SLC12A6: variants seen among roughly 807,000 people sequenced by gnomAD.
SLC12A6 encodes the protein solute carrier family 12 member 6.
A neutral mutation model predicts 135.3 loss-of-function variants in SLC12A6; 66 were observed. The observed-to-expected ratio is 0.49, with a 90% CI of 0.40 to 0.60. The LOEUF (loss-of-function observed/expected upper bound fraction) is 0.60. SLC12A6 is among the 20% of genes least tolerant of loss of function. The probability of loss-of-function intolerance (pLI) is 0.00; values close to 1 mark genes in which losing one functional copy is unlikely to be tolerated. For synonymous variants in SLC12A6, 513 were observed against 508.8 expected (o/e 1.01, Z -0.11); for missense variants, 1,058 against 1,452.3 (o/e 0.73, Z 4.41).
chr15:34,280,215 T>C (rs905197920), intron 2 of SLC12A6, among the ~76,000 whole-genome samples: 1 of 152,242 alleles, frequency 6.6e-6, no homozygotes, highest in Non-Finnish European at 1.5e-5. Flanking sequence ...GCTGGTATCT[T>C]GTAGCTAAAA....
chr15:34,324,838 A>T (rs1889359841), intron 2 of SLC12A6, among the ~76,000 whole-genome samples: 3 of 152,168 alleles, frequency 2.0e-5, no homozygotes, highest in Non-Finnish European at 2.9e-5. Flanking sequence ...TTTGCAAATT[A>T]TCTCTGGTAA....
At chr15:34,319,826 A>G (rs958245441) in intron 2 of SLC12A6, among the ~76,000 whole-genome samples, 1 of 151,910 alleles carries the variant, frequency 6.6e-6, no homozygotes, top group Non-Finnish European at 1.5e-5. Context: ...AAAGAAAAAA[A>G]TATATATGTT....
At chr15:34,300,657 G>C (rs1181261717) in intron 2 of SLC12A6, among the ~76,000 whole-genome samples, 4 of 152,050 alleles carry the variant, frequency 2.6e-5, no homozygotes, top group Non-Finnish European at 4.4e-5. Flanking sequence ...GCCAGTCATG[G>C]TGGTGTGTGC....
rs142405048 is a variant in SLC12A6, at chr15:34,329,817, G to A, written c.271+6593C>T. Among the ~76,000 whole-genome samples, 342 of 152,204 alleles carry A rather than the reference G, an allele frequency of 2.2e-3. 1 individual carries two copies. Among genetic ancestry groups the A allele is most frequent in the African/African-American group, 8.2e-3 (340 of 41,526 alleles). ...GATCACTTGAGCTCAGGAGTTCCCA[G>A]ACATCTTCAAAGATAAAAGCTAAGA... On this transcript the variant is annotated intron_variant, in intron 2 of 25. Coordinates refer to ENST00000354181, the MANE Select transcript of SLC12A6 (RefSeq NM_001365088.1).
intron 13 of SLC12A6, among the ~76,000 whole-genome samples, chr15:34,249,978 CACT>C (rs1322502911): frequency 6.6e-6 from 1 of 152,206 alleles, no homozygotes; most frequent in Admixed American, 6.5e-5. Flanking sequence ...AATCATGGCT[CACT>C]ACAGCTTTGA....
At chr15:34,334,232 C>T (rs1430188301) in intron 2 of SLC12A6, among the ~76,000 whole-genome samples, 2 of 152,078 alleles carry the variant, frequency 1.3e-5, no homozygotes, top group African/African-American at 4.8e-5. Flanking sequence ...GTCACAACCA[C>T]AGAAGGATGT....
chr15:34,329,975 T>C (rs1889727945), intron 2 of SLC12A6, among the ~76,000 whole-genome samples: 1 of 152,222 alleles, frequency 6.6e-6, no homozygotes. Flanking sequence ...ATTTAACCTG[T>C]AAATACTTCA....
chr15:34,285,378 G>A (rs1004393323), intron 2 of SLC12A6, among the ~76,000 whole-genome samples: 1 of 152,158 alleles, frequency 6.6e-6, no homozygotes, highest in African/African-American at 2.4e-5. Flanking sequence ...TGGCTACAGG[G>A]TGGGAGAGAA....
intron 2 of SLC12A6, among the ~76,000 whole-genome samples, chr15:34,298,379 G>A (rs1450974642): frequency 2.0e-5 from 3 of 152,104 alleles, no homozygotes; most frequent in South Asian, 2.1e-4. Context: ...GGAGGCAGAG[G>A]CAGGAGAACT....
chr15:34,294,387 CTGTGATCCAAAA>C lies in SLC12A6; in HGVS notation c.272-19010_272-18999del, dbSNP rs547061019. Among the ~76,000 whole-genome samples, 60 of 152,132 alleles carry C rather than the reference CTGTGATCCAAAA, an allele frequency of 3.9e-4. No homozygotes were observed. In the East Asian group the frequency reaches 8.1e-3, roughly 21 times the overall value. On this transcript the variant is annotated intron_variant, in intron 2 of 25. Transcript: ENST00000354181. ...AGGTGGGATCACAGGCACTCACCAC[CTGTGATCCAAAA>C]TGTGATACAAAAATGCCAGGCTAAT...
At chr15:34,319,329 C>T (rs977106583) in intron 2 of SLC12A6, among the ~76,000 whole-genome samples, 3 of 151,012 alleles carry the variant, frequency 2.0e-5, no homozygotes, top group Non-Finnish European at 1.5e-5. Flanking sequence ...TTAGTAGAGA[C>T]GGGGGTCTCA....
chr15:34,273,904 G>A (rs1180993171), intron 3 of SLC12A6, among the ~76,000 whole-genome samples: 3 of 151,822 alleles, frequency 2.0e-5, no homozygotes, highest in Admixed American at 2.0e-4. Flanking sequence ...ATTATAGAGA[G>A]TCAAGCATTA....
intron 6 of SLC12A6, 106 bp from the exon 7 acceptor site, chr15:34,256,389 C>T: frequency 1.0e-5 from 8 of 775,296 alleles, no homozygotes; most frequent in Admixed American, 1.8e-5. Context: ...TTAACTCTAC[C>T]TACTTTTATG....
chr15:34,286,939 A>C (rs1254879158), intron 2 of SLC12A6, among the ~76,000 whole-genome samples: 2 of 152,166 alleles, frequency 1.3e-5, no homozygotes, highest in East Asian at 3.9e-4. Context: ...TACTTATAAC[A>C]ATTTGCTTGA....
chr15:34,246,844 T>G (rs1362611429), intron 13 of SLC12A6, among the ~76,000 whole-genome samples: 3 of 152,168 alleles, frequency 2.0e-5, no homozygotes, highest in Non-Finnish European at 4.4e-5. Context: ...AGAGACAGGA[T>G]CTCGCCTTGT....
At chr15:34,288,342 A>G (rs549227139) in intron 2 of SLC12A6, among the ~76,000 whole-genome samples, 2 of 152,204 alleles carry the variant, frequency 1.3e-5, no homozygotes, top group African/African-American at 2.4e-5. Context: ...ATTGGTCTAT[A>G]TATCTGTTTT....
chr15:34,298,743 C>A (rs1052602643), intron 2 of SLC12A6, among the ~76,000 whole-genome samples: 2 of 151,996 alleles, frequency 1.3e-5, no homozygotes, highest in African/African-American at 4.8e-5. Flanking sequence ...CTGATTCTTC[C>A]CCCTTCCTCC....
At chr15:34,256,415 T>C in intron 6 of SLC12A6, 132 bp from the exon 7 acceptor site, 5 of 697,798 alleles carry the variant, frequency 7.2e-6, no homozygotes, top group South Asian at 1.5e-5. Flanking sequence ...TCATACCTAA[T>C]GGTATGGAAA....
At chr15:34,236,653 C>T in intron 23 of SLC12A6, 55 bp downstream of exon 23, 1 of 1,077,282 alleles carries the variant, frequency 9.3e-7, no homozygotes, top group African/African-American at 1.5e-5. Context: ...AGTATCATCC[C>T]TTTCAGTGAC....
Sources: gnomAD v4.1 joint callset for allele counts (sites outside exome capture counted in the v4.1 genomes callset) on GRCh38, gnomAD v4.1.1 for gene constraint, MANE v1.5 for transcripts, NCBI Gene and HGNC (gene_info 2026-07-23, HGNC 2026-07-21) for gene names.